Variants in EDIL3 observed in about 807,000 individuals in gnomAD.
EDIL3 encodes the protein EGF like and discoidin domains 3.
In EDIL3, 37 loss-of-function variants were observed where a neutral mutation model predicts 67.4. The observed-to-expected ratio is 0.55, with a 90% CI of 0.42 to 0.72. The LOEUF (loss-of-function observed/expected upper bound fraction) is 0.72. Among genes scored for constraint, EDIL3 ranks in the 30% least tolerant of loss-of-function variants. The pLI is 0.00. For missense variants in EDIL3, 527 were observed against 586.3 expected (o/e 0.90, Z 1.04); for synonymous variants, 195 against 196.3 (o/e 0.99, Z 0.05).
intron 1 of EDIL3, among the ~76,000 whole-genome samples, chr5:84,373,705 T>C (rs1463925400): frequency 7.0e-6 from 1 of 143,114 alleles, no homozygotes; most frequent in Non-Finnish European, 1.6e-5. Context: ...AGAGACCAGG[T>C]TGGGAAAAAC....
intron 9 of EDIL3, among the ~76,000 whole-genome samples, chr5:84,010,124 C>A (rs73145931): frequency 0.053 from 8,085 of 152,216 alleles, 665 homozygotes; most frequent in African/African-American, 0.18. Flanking sequence ...CTCCTAGGAA[C>A]TCATTAGTAC....
intron 5 of EDIL3, among the ~76,000 whole-genome samples, chr5:84,115,952 T>G (rs534111866): frequency 6.6e-6 from 1 of 152,322 alleles, no homozygotes; most frequent in East Asian, 1.9e-4. Flanking sequence ...TTATATGTTT[T>G]AAGATTTTTT....
At chr5:84,090,039 T>C (rs1242652319) in intron 6 of EDIL3, among the ~76,000 whole-genome samples, 4 of 152,234 alleles carry the variant, frequency 2.6e-5, no homozygotes, top group Admixed American at 2.0e-4. Context: ...AGCCTGGTCT[T>C]ATGAGGTTGT....
rs557502941 is a variant in EDIL3 at position 84,153,446 on chromosome 5, C to G, written c.356-16092G>C. On this transcript the variant is annotated intron_variant, in intron 4 of 10. Transcript: ENST00000296591. ...GTAGCTGGGACTACAGGCACCTCCCCACCACGCCCGGCTAATTTTTGTATT... is the reference window on the plus strand; with the variant it reads ...GTAGCTGGGACTACAGGCACCTCCCGACCACGCCCGGCTAATTTTTGTATT... Among the ~76,000 whole-genome samples, 3 of 151,632 alleles carry G rather than the reference C, an allele frequency of 2.0e-5. No individual in the cohort carries two copies. In the South Asian group the frequency reaches 6.3e-4, roughly 32 times the overall value.
intron 1 of EDIL3, among the ~76,000 whole-genome samples, chr5:84,383,738 T>C (rs1003417467): frequency 1.2e-4 from 19 of 152,234 alleles, no homozygotes; most frequent in Non-Finnish European, 1.6e-4. Context: ...AAAGCTGAAG[T>C]GACCTGTGAG....
At chr5:83,954,566 C>T (rs1029462364) in intron 10 of EDIL3, among the ~76,000 whole-genome samples, 1 of 151,792 alleles carries the variant, frequency 6.6e-6, no homozygotes. Flanking sequence ...AAAAAGCTTC[C>T]TGATGCCTCA....
Position 83,942,181 on chromosome 5 carries a change from A to T in EDIL3, c.*1238T>A, listed in dbSNP as rs1744234817. The T allele has an allele frequency of 6.6e-6, 1 of 152,070 alleles. No homozygotes were observed. Among genetic ancestry groups the T allele is most frequent in the African/African-American group, 2.4e-5 (1 of 41,444 alleles). The allele number at this position is 152,070 out of a possible 1,614,324, so 9.4% of individuals were successfully genotyped here. On this transcript the variant is annotated 3_prime_UTR_variant, in exon 11 of 11. Coordinates refer to ENST00000296591, the MANE Select transcript of EDIL3 (RefSeq NM_005711.5). ...CATGTCAATGAAACCTCCAGTATCA[A>T]TAACAAATTGTTATGATAATTGCTT...
intron 2 of EDIL3, among the ~76,000 whole-genome samples, chr5:84,248,406 T>G (rs745583276): frequency 6.6e-6 from 1 of 152,198 alleles, no homozygotes; most frequent in Non-Finnish European, 1.5e-5. Context: ...CTCTGGCTCC[T>G]TTACAGATTT....
chr5:83,984,148 G>A (rs1745019836), intron 9 of EDIL3, among the ~76,000 whole-genome samples: 1 of 152,006 alleles, frequency 6.6e-6, no homozygotes, highest in Non-Finnish European at 1.5e-5. Flanking sequence ...TTAAATTTCA[G>A]GGACCCAAGA....
intron 9 of EDIL3, among the ~76,000 whole-genome samples, chr5:84,033,636 G>A (rs1292953040): frequency 6.6e-6 from 1 of 150,726 alleles, no homozygotes; most frequent in South Asian, 2.1e-4. Flanking sequence ...CCCAGGAGGC[G>A]GAGGTTGCAG....
intron 3 of EDIL3, among the ~76,000 whole-genome samples, chr5:84,197,617 C>T (rs1451364029): frequency 5.9e-5 from 9 of 151,544 alleles, no homozygotes; most frequent in Non-Finnish European, 1.0e-4. Context: ...TGAGATCATG[C>T]CACTGAACTC....
intron 1 of EDIL3, among the ~76,000 whole-genome samples, chr5:84,271,166 T>C (rs913748279): frequency 1.3e-5 from 2 of 152,130 alleles, no homozygotes; most frequent in Non-Finnish European, 2.9e-5. Context: ...TAATATGAAA[T>C]TAGATGTGAA....
rs187271041 is a variant in EDIL3, at chr5:84,077,530, A to G, written c.652-10924T>C. On this transcript the variant is annotated intron_variant, in intron 6 of 10. Coordinates refer to ENST00000296591, the MANE Select transcript of EDIL3 (RefSeq NM_005711.5). ...GGGGCAAAGTCCCATCTTACATAGT[A>G]GCAGGCAAGAGAATGTATGCAGGGA... Among the ~76,000 whole-genome samples, 408 of 152,320 alleles carry G rather than the reference A, an allele frequency of 2.7e-3. 2 individuals carry two copies. Among genetic ancestry groups the G allele is most frequent in the African/African-American group, 9.5e-3 (396 of 41,578 alleles).
At chr5:83,961,105 A>G (rs929277309) in intron 10 of EDIL3, among the ~76,000 whole-genome samples, 11 of 151,098 alleles carry the variant, frequency 7.3e-5, no homozygotes, top group African/African-American at 2.7e-4. Flanking sequence ...AATAGATTTC[A>G]GAGCAAAAAA....
At chr5:84,241,438 T>TA (rs1007271303) in intron 2 of EDIL3, among the ~76,000 whole-genome samples, 4 of 152,070 alleles carry the variant, frequency 2.6e-5, no homozygotes, top group Non-Finnish European at 5.9e-5. Flanking sequence ...ATCTTATAAA[T>TA]AAAAAAATCA....
At chr5:84,159,205 T>A (rs1748561196) in intron 4 of EDIL3, among the ~76,000 whole-genome samples, 2 of 152,064 alleles carry the variant, frequency 1.3e-5, no homozygotes, top group Non-Finnish European at 2.9e-5. Context: ...AGGCAATATC[T>A]ATCTATTATA....
intron 9 of EDIL3, among the ~76,000 whole-genome samples, chr5:84,030,869 C>T (rs1745907893): frequency 1.3e-5 from 2 of 152,110 alleles, no homozygotes; most frequent in African/African-American, 4.8e-5. Context: ...AGTCATTGTA[C>T]TAGTGTGCTA....
chr5:84,121,820 T>C lies in EDIL3; in HGVS notation c.470-14990A>G, dbSNP rs544459003. ...TACAAAAAGACTCTAAGCATATGTG[T>C]ATCATAGCACTGAGCATTTAAATAT... On this transcript the variant is annotated intron_variant, in intron 5 of 10. Coordinates refer to ENST00000296591, the MANE Select transcript of EDIL3 (RefSeq NM_005711.5). Among the ~76,000 whole-genome samples the C allele has an allele frequency of 3.3e-5, 5 of 152,172 alleles. No individual in the cohort carries two copies. In the South Asian group the frequency reaches 1.0e-3, roughly 31 times the overall value.
chr5:84,126,068 G>A (rs916070088), intron 5 of EDIL3, among the ~76,000 whole-genome samples: 1 of 151,986 alleles, frequency 6.6e-6, no homozygotes, highest in African/African-American at 2.4e-5. Context: ...GCACAGTTGA[G>A]GAGAAGCAGG....
Sources: allele counts gnomAD v4.1 joint callset (sites outside exome capture counted in the v4.1 genomes callset), GRCh38; gene constraint gnomAD v4.1.1; transcripts MANE v1.5; gene names NCBI Gene and HGNC (gene_info 2026-07-23, HGNC 2026-07-21).